The following AGGF1 variants were observed in gnomAD, a reference collection of about 807,000 sequenced individuals.
The protein encoded by AGGF1 is angiogenic factor with G-patch and FHA domains 1, also known as angiogenic factor with G patch and FHA domains 1.
A neutral mutation model predicts 86.5 loss-of-function variants in AGGF1; 56 were observed. That is an observed-to-expected ratio of 0.65 (90% CI 0.52 to 0.81). AGGF1 has a LOEUF of 0.81. AGGF1 is among the 30% of genes least tolerant of loss of function. The probability of loss-of-function intolerance (pLI) is 0.00; values close to 1 mark genes in which losing one functional copy is unlikely to be tolerated. For missense variants in AGGF1, 816 were observed against 850.9 expected (o/e 0.96, Z 0.51); for synonymous variants, 313 against 297.1 (o/e 1.05, Z -0.55).
chr5:77,030,471 T>G lies in AGGF1; in HGVS notation c.-296T>G, dbSNP rs1334763201. 3.3e-6 allele frequency: 2 copies of G among 598,918 alleles called. No homozygotes were observed. The highest frequency in any genetic ancestry group is 3.7e-5 in the African/African-American group (2 of 54,630). The allele number at this position is 598,918 out of a possible 1,614,324, so 37.1% of individuals were successfully genotyped here. On this transcript the variant is annotated 5_prime_UTR_variant, in exon 1 of 14. Transcript: ENST00000312916. ...TGGCCTCTGGTTTTCCGACTGCTTA[T>G]CCGACGCTCCTCCCTCTGTCTCTGT...
rs867149672 is a variant in AGGF1, at chr5:77,043,474, C to G, written c.871-2873C>G. Among the ~76,000 whole-genome samples the G allele has an allele frequency of 7.3e-3, 885 of 121,962 alleles. 5 individuals carry two copies. Among genetic ancestry groups the G allele is most frequent in the African/African-American group, 0.017 (553 of 31,738 alleles). 80.0% of individuals were successfully genotyped at this position (121,962 alleles called of 152,430 possible). On this transcript the variant is annotated intron_variant, in intron 5 of 13. Coordinates refer to ENST00000312916, the MANE Select transcript of AGGF1 (RefSeq NM_018046.5). ...CTCACCTCCCAGACGGGGCGGTTGG[C>G]CGGGCGGAGGGCTGACCCCCCCACC...
At chr5:77,048,660 G>A (rs1288067991) in intron 7 of AGGF1, among the ~76,000 whole-genome samples, 1 of 152,148 alleles carries the variant, frequency 6.6e-6, no homozygotes, top group Non-Finnish European at 1.5e-5. Flanking sequence ...ATTATGTTAA[G>A]CATTATTCTA....
chr5:77,063,315 T>C lies in AGGF1; in HGVS notation c.*63T>C. 6.8e-7 allele frequency: 1 copy of C among 1,479,412 alleles called. No individual in the cohort carries two copies. Among genetic ancestry groups the C allele is most frequent in the South Asian group, 1.2e-5 (1 of 83,998 alleles). 91.6% of individuals were successfully genotyped at this position (1,479,412 alleles called of 1,614,324 possible). A position where few individuals can be genotyped will look rare whatever the true frequency, so the allele number is the denominator to read the frequency against. On this transcript the variant is annotated 3_prime_UTR_variant, in exon 14 of 14. Coordinates refer to ENST00000312916, the MANE Select transcript of AGGF1 (RefSeq NM_018046.5). ...AAATAGAATTTGGAAACTTATTTTT[T>C]CTCCCCAAAAGAATCAGCAGCACAG...
intron 5 of AGGF1, among the ~76,000 whole-genome samples, chr5:77,044,583 C>T (rs955605214): frequency 6.6e-6 from 1 of 152,024 alleles, no homozygotes; most frequent in Non-Finnish European, 1.5e-5. Context: ...AATAGCTTTC[C>T]CTGCATATGT....
chr5:77,056,468 T>C (rs1226220692), intron 11 of AGGF1, among the ~76,000 whole-genome samples: 1 of 151,872 alleles, frequency 6.6e-6, no homozygotes, highest in African/African-American at 2.4e-5. Flanking sequence ...CCTCAGGTGA[T>C]CTGCCCACCT....
intron 13 of AGGF1, 78 bp from the exon 14 acceptor site, chr5:77,062,974 A>G: frequency 1.4e-6 from 2 of 1,467,122 alleles, no homozygotes; most frequent in African/African-American, 1.4e-5. Flanking sequence ...AAAAAATTGT[A>G]GAGTCCTAAG....
intron 3 of AGGF1, 60 bp downstream of exon 3, chr5:77,035,803 A>G (rs1272533619): frequency 4.1e-6 from 6 of 1,450,022 alleles, no homozygotes; most frequent in East Asian, 2.3e-5. Flanking sequence ...CTTTGTTGTT[A>G]TTATGTGGAA....
chr5:77,034,292 TCTGAAAGGGAAACTTG>T (rs1189959936), intron 1 of AGGF1, 110 bp from the exon 2 acceptor site: 4 of 681,658 alleles, frequency 5.9e-6, no homozygotes, highest in Non-Finnish European at 1.0e-5. Flanking sequence ...TTTTAGCTTT[TCTGAAAGGGAAACTTG>T]CTGCTCTTGA....
At chr5:77,040,740 G>T (rs568600973) in intron 5 of AGGF1, among the ~76,000 whole-genome samples, 1 of 152,292 alleles carries the variant, frequency 6.6e-6, no homozygotes, top group Admixed American at 6.5e-5. Context: ...GATATTTTAT[G>T]AACTGTGGCA....
chr5:77,055,433 A>G, intron 10 of AGGF1, 81 bp from the exon 11 acceptor site: 1 of 894,652 alleles, frequency 1.1e-6, no homozygotes, highest in South Asian at 1.5e-5. Context: ...TTAGTTTTTT[A>G]TTAATTAAAT....
In AGGF1 at chr5:77,056,895, A is replaced by C. The variant is rs539144196; in HGVS notation, c.1716+1299A>C. 2.6e-5 allele frequency among the ~76,000 whole-genome samples: 4 copies of C among 151,962 alleles called. No homozygotes were observed. In the South Asian group the frequency reaches 8.3e-4, roughly 32 times the overall value. On this transcript the variant is annotated intron_variant, in intron 11 of 13. Coordinates refer to ENST00000312916, the MANE Select transcript of AGGF1 (RefSeq NM_018046.5). ...GACTTCTATATCTAGAATATACAAA[A>C]AACTTTCAAAACTTAATAATAAGAA...
chr5:77,055,444 A>T, intron 10 of AGGF1, 70 bp from the exon 11 acceptor site: 5 of 970,342 alleles, frequency 5.2e-6, no homozygotes, highest in Middle Eastern at 2.9e-4. Context: ...TTAATTAAAT[A>T]ACATTAGTTT....
intron 8 of AGGF1, among the ~76,000 whole-genome samples, chr5:77,049,672 C>T (rs539469739): frequency 3.5e-4 from 53 of 151,810 alleles, no homozygotes; most frequent in African/African-American, 9.7e-4. Context: ...GCCTCAGCCC[C>T]GAAGGTAGCT....
chr5:77,060,068 T>A (rs961720885), intron 12 of AGGF1, among the ~76,000 whole-genome samples: 2 of 152,210 alleles, frequency 1.3e-5, no homozygotes, highest in African/African-American at 4.8e-5. Flanking sequence ...GGTCTTGAAC[T>A]CCTGACCTCA....
intron 12 of AGGF1, among the ~76,000 whole-genome samples, 167 bp downstream of exon 12, chr5:77,059,910 C>T (rs986010073): frequency 3.9e-5 from 6 of 152,186 alleles, no homozygotes; most frequent in Admixed American, 2.6e-4. Context: ...GGTGTGGTCT[C>T]GGCTCACTGC....
Position 77,034,526 on chromosome 5 carries a change from T to C in AGGF1, c.313+6T>C, listed in dbSNP as rs77434353. On this transcript the variant is annotated splice_donor_region_variant and intron_variant, in intron 2 of 13. Transcript: ENST00000312916. The stretch of plus-strand genomic sequence containing the variant: ...TGCTCCTTGGTCAATCTCAGGTATT[T>C]AGCTTATAGTGAGGATATGCTAACA... 6,318 of 1,574,058 alleles carry C rather than the reference T, an allele frequency of 4.0e-3. 176 individuals are homozygous for C. The African/African-American group carries it at 0.067, about 17-fold the overall frequency.
intron 12 of AGGF1, among the ~76,000 whole-genome samples, chr5:77,060,174 CA>C (rs1433590548): frequency 1.3e-5 from 2 of 152,186 alleles, no homozygotes; most frequent in African/African-American, 4.8e-5. Context: ...ACTTTAACAA[CA>C]AAATGGAGAC....
At chr5:77,043,726 G>A (rs1178441490) in intron 5 of AGGF1, among the ~76,000 whole-genome samples, 7 of 136,322 alleles carry the variant, frequency 5.1e-5, no homozygotes, top group Admixed American at 2.1e-4. Flanking sequence ...GGGCGGAGAC[G>A]CTCCTCACTT....
rs1234035985 is a variant in AGGF1, at chr5:77,046,645, G to A, written c.1169G>A (p.Gly390Asp). 6.2e-7 allele frequency: 1 copy of A among 1,614,014 alleles called. No individual in the cohort carries two copies. Among genetic ancestry groups the A allele is most frequent in the South Asian group, 1.1e-5 (1 of 91,066 alleles). ...DSYDEAITSE[G>D]NVTAEDSEDE... The stretch of plus-strand genomic sequence containing the variant: ...TATGACGAAGCCATTACCAGTGAAG[G>A]CAATGTAACTGCAGAAGATAGTGAG... The change falls in exon 6 of 14, where the codon GGC becomes GAC. Residue 390 changes from glycine to aspartate, a missense_variant. Physicochemically the swap from Gly to Asp is moderately conservative, Grantham distance 94. Around this residue, in one of 3 missense-constraint regions of AGGF1, gnomAD observed 565 missense variants for 585.8 expected, o/e 0.96. Transcript: ENST00000312916.
Sources: gnomAD v4.1 joint callset for allele counts (sites outside exome capture counted in the v4.1 genomes callset) on GRCh38, gnomAD v4.1.1 for gene constraint, gnomAD v4.1.1 regional missense constraint, MANE v1.5 for transcripts, NCBI Gene and HGNC (gene_info 2026-07-23, HGNC 2026-07-21) for gene names.